Variants in SGK3 observed in about 807,000 individuals in gnomAD.
SGK3 encodes the protein serum/glucocorticoid regulated kinase family member 3.
Under a neutral mutation model 68.5 loss-of-function variants are expected in SGK3, and 47 were observed. The ratio of observed to expected loss-of-function variants is 0.69; its 90% confidence interval spans 0.54 to 0.87. The LOEUF (loss-of-function observed/expected upper bound fraction) is 0.87. SGK3 is among the 40% of genes least tolerant of loss of function. The probability of loss-of-function intolerance (pLI) is 0.00; values close to 1 mark genes in which losing one functional copy is unlikely to be tolerated. For missense variants in SGK3, 479 were observed against 575.5 expected (o/e 0.83, Z 1.72); for synonymous variants, 181 against 189.1 (o/e 0.96, Z 0.35).
At chr8:66,714,434 T>G (rs1804576608) in intron 1 of SGK3, among the ~76,000 whole-genome samples, 1 of 152,214 alleles carries the variant, frequency 6.6e-6, no homozygotes, top group Non-Finnish European at 1.5e-5. Flanking sequence ...CTTGTTATTG[T>G]GACTATGAAT....
At chr8:66,735,702 T>A (rs1805299635) in intron 1 of SGK3, among the ~76,000 whole-genome samples, 2 of 152,254 alleles carry the variant, frequency 1.3e-5, no homozygotes, top group Non-Finnish European at 2.9e-5. Context: ...AGCTACAGAC[T>A]TGACATTTTC....
At chr8:66,723,967 CAGAGA>C (rs1804899542) in intron 1 of SGK3, among the ~76,000 whole-genome samples, 1 of 152,148 alleles carries the variant, frequency 6.6e-6, no homozygotes, top group Admixed American at 6.6e-5. Context: ...AATGTTTTAG[CAGAGA>C]AAAGTTTTTA....
chr8:66,778,810 G>A (rs1054406756), intron 1 of SGK3, among the ~76,000 whole-genome samples: 1 of 152,144 alleles, frequency 6.6e-6, no homozygotes, highest in Non-Finnish European at 1.5e-5. Flanking sequence ...TGTCCAATAC[G>A]CATGTAGATG....
intron 5 of SGK3, among the ~76,000 whole-genome samples, chr8:66,816,215 G>C (rs1325619615): frequency 6.6e-6 from 1 of 151,968 alleles, no homozygotes; most frequent in Non-Finnish European, 1.5e-5. Flanking sequence ...TGTTAGCCAG[G>C]ATGGTCTTCA....
chr8:66,735,312 G>A (rs1396860262), intron 1 of SGK3, among the ~76,000 whole-genome samples: 5 of 152,200 alleles, frequency 3.3e-5, no homozygotes, highest in Admixed American at 2.6e-4. Flanking sequence ...TTGTGGTTAC[G>A]AATCATTATT....
chr8:66,847,159 C>A (rs781648163), intron 14 of SGK3, 34 bp from the exon 15 acceptor site: 5 of 1,583,910 alleles, frequency 3.2e-6, no homozygotes, highest in Non-Finnish European at 3.4e-6. Context: ...AATTTGTTTA[C>A]CACTAAGTTT....
At chr8:66,761,340 A>G (rs1218809461) in intron 1 of SGK3, among the ~76,000 whole-genome samples, 1 of 152,228 alleles carries the variant, frequency 6.6e-6, no homozygotes, top group African/African-American at 2.4e-5. Context: ...GTGATGGTGA[A>G]GAATACAATG....
chr8:66,746,686 TG>T (rs1805663873), intron 1 of SGK3, among the ~76,000 whole-genome samples: 1 of 152,008 alleles, frequency 6.6e-6, no homozygotes, highest in South Asian at 2.1e-4. Context: ...CCTGAGTGAC[TG>T]GGACTATAGG....
chr8:66,858,912 A>C (rs1810641593), intron 16 of SGK3, among the ~76,000 whole-genome samples: 1 of 152,190 alleles, frequency 6.6e-6, no homozygotes, highest in Admixed American at 6.6e-5. Context: ...TTAGGAGGAC[A>C]GATAACTTGA....
intron 1 of SGK3, among the ~76,000 whole-genome samples, chr8:66,729,495 A>C (rs1260606506): frequency 4.6e-5 from 7 of 152,076 alleles, no homozygotes; most frequent in Non-Finnish European, 1.0e-4. Flanking sequence ...CTGTTGTATG[A>C]ATATACCATA....
chr8:66,832,432 G>A (rs1809340614), intron 8 of SGK3, among the ~76,000 whole-genome samples: 1 of 152,072 alleles, frequency 6.6e-6, no homozygotes, highest in African/African-American at 2.4e-5. Context: ...AGAAACTGTG[G>A]CTATGCAATT....
chr8:66,844,423 G>GAC (rs1191757883), intron 14 of SGK3, among the ~76,000 whole-genome samples: 1 of 152,132 alleles, frequency 6.6e-6, no homozygotes, highest in Admixed American at 6.6e-5. Flanking sequence ...TTTAGTTAAA[G>GAC]ACACATAGGC....
At chr8:66,720,614 A>G (rs969546494) in intron 1 of SGK3, among the ~76,000 whole-genome samples, 5 of 150,604 alleles carry the variant, frequency 3.3e-5, no homozygotes, top group Non-Finnish European at 2.9e-5. Flanking sequence ...TACTAAAAAT[A>G]TAAAAATTAG....
intron 1 of SGK3, among the ~76,000 whole-genome samples, chr8:66,762,048 G>T (rs147527506): frequency 6.6e-6 from 1 of 151,526 alleles, no homozygotes; most frequent in African/African-American, 2.4e-5. Context: ...TTTTTGAGAC[G>T]AAGTCTCGCT....
At chr8:66,819,927 CCTGCCT>C (rs780177430) in intron 5 of SGK3, among the ~76,000 whole-genome samples, 162 of 152,062 alleles carry the variant, frequency 1.1e-3, no homozygotes, top group Non-Finnish European at 1.8e-3. Flanking sequence ...AAGAGATTCT[CCTGCCT>C]CAGCCTCCTG....
In SGK3 at chr8:66,831,154, G is replaced by A; in HGVS notation, c.468-100G>A. 3 of 1,409,128 alleles carry A rather than the reference G, an allele frequency of 2.1e-6. No homozygotes were observed. In the South Asian group the frequency reaches 3.6e-5, roughly 17 times the overall value. 87.3% of individuals were successfully genotyped at this position (1,409,128 alleles called of 1,614,324 possible). Reference sequence around the variant, plus strand: ...GAGTTAATAGGCTGAAGTGTTTTGTGCCTAACATTTATTTTTTAAAGAGGG... The same window carrying A: ...GAGTTAATAGGCTGAAGTGTTTTGTACCTAACATTTATTTTTTAAAGAGGG... On this transcript the variant is annotated intron_variant, in intron 7 of 16. Coordinates refer to ENST00000521198, the MANE Select transcript of SGK3 (RefSeq NM_001033578.3).
At chr8:66,798,518 T>C in intron 2 of SGK3, 24 bp from the exon 3 acceptor site, 1 of 1,588,680 alleles carries the variant, frequency 6.3e-7, no homozygotes, top group Non-Finnish European at 8.6e-7. Context: ...TTGTGTTATA[T>C]TATGTAATTT....
At chr8:66,770,479 T>C (rs1806471986) in intron 1 of SGK3, among the ~76,000 whole-genome samples, 1 of 152,202 alleles carries the variant, frequency 6.6e-6, no homozygotes, top group African/African-American at 2.4e-5. Flanking sequence ...TACTTCCATG[T>C]GTTTTTTTCT....
intron 1 of SGK3, among the ~76,000 whole-genome samples, chr8:66,763,387 A>T (rs923275588): frequency 1.3e-5 from 2 of 152,176 alleles, no homozygotes; most frequent in African/African-American, 2.4e-5. Context: ...GGTTTTTCAC[A>T]TGACTCTGGT....
Sources: allele counts gnomAD v4.1 joint callset (sites outside exome capture counted in the v4.1 genomes callset), GRCh38; gene constraint gnomAD v4.1.1; transcripts MANE v1.5; gene names NCBI Gene and HGNC (gene_info 2026-07-23, HGNC 2026-07-21).